The following IQSEC1 variants were observed in gnomAD, a reference collection of about 807,000 sequenced individuals.
IQSEC1 encodes the protein IQ motif and Sec7 domain ArfGEF 1, also known as IQ motif and SEC7 domain-containing protein 1.
Under a neutral mutation model 91.0 loss-of-function variants are expected in IQSEC1, and 31 were observed. The ratio of observed to expected loss-of-function variants is 0.34; its 90% CI spans 0.26 to 0.46. IQSEC1 has a LOEUF of 0.46. IQSEC1 is among the 20% of genes least tolerant of loss of function. The pLI is 1.00. For synonymous variants in IQSEC1, 699 were observed against 662.6 expected, an observed-to-expected ratio of 1.05 and a Z score of -0.84; for missense variants, 1,388 against 1,575.6, an observed-to-expected ratio of 0.88 and a Z score of 2.02.
chr3:13,264,402 C>A (rs1462047746), intron 1 of IQSEC1, among the ~76,000 whole-genome samples: 1 of 152,224 alleles, frequency 6.6e-6, no homozygotes, highest in African/African-American at 2.4e-5. Flanking sequence ...AAAACACGCC[C>A]CGCTGCCTGC....
intron 1 of IQSEC1, among the ~76,000 whole-genome samples, chr3:13,263,094 A>T (rs1428380379): frequency 6.6e-6 from 1 of 152,130 alleles, no homozygotes; most frequent in Non-Finnish European, 1.5e-5. Context: ...CTAAAAATAT[A>T]CAGAAATTAA....
intron 1 of IQSEC1, among the ~76,000 whole-genome samples, chr3:12,975,949 C>A (rs758707501): frequency 1.9e-4 from 29 of 152,238 alleles, no homozygotes; most frequent in Non-Finnish European, 3.1e-4. Context: ...CATCTGCCCC[C>A]CAACGGCTGC....
chr3:13,221,958 G>A (rs1223213349), intron 1 of IQSEC1, among the ~76,000 whole-genome samples: 1 of 152,244 alleles, frequency 6.6e-6, no homozygotes, highest in Non-Finnish European at 1.5e-5. Flanking sequence ...GCAGGAGGGA[G>A]GAGAAACACC....
chr3:13,209,839 GAGCACCGCAGCAGCCC>G (rs1195625314), intron 1 of IQSEC1, among the ~76,000 whole-genome samples: 2 of 152,168 alleles, frequency 1.3e-5, no homozygotes, highest in African/African-American at 4.8e-5. Context: ...CACTTTCCAA[GAGCACCGCAGCAGCCC>G]AACACCCAGC....
At chr3:13,182,825 T>G (rs1178738603) in intron 1 of IQSEC1, among the ~76,000 whole-genome samples, 1 of 152,218 alleles carries the variant, frequency 6.6e-6, no homozygotes, top group Non-Finnish European at 1.5e-5. Flanking sequence ...CATTAAATGA[T>G]TTTATGAGAA....
intron 1 of IQSEC1, among the ~76,000 whole-genome samples, chr3:12,965,710 G>C (rs1431296513): frequency 6.6e-6 from 1 of 152,252 alleles, no homozygotes; most frequent in Non-Finnish European, 1.5e-5. Context: ...AATGAGAAGG[G>C]ATGTGGGACT....
intron 1 of IQSEC1, among the ~76,000 whole-genome samples, chr3:13,015,348 C>T (rs1703073735): frequency 6.6e-6 from 1 of 152,168 alleles, no homozygotes; most frequent in South Asian, 2.1e-4. Flanking sequence ...TAAAGAACTT[C>T]CCCTTGCGGC....
intron 3 of IQSEC1, among the ~76,000 whole-genome samples, chr3:12,934,294 G>A (rs1697967972): frequency 6.6e-6 from 1 of 152,164 alleles, no homozygotes; most frequent in African/African-American, 2.4e-5. Context: ...CCCCTTACTG[G>A]CCCCAAGTGA....
Position 13,207,668 on chromosome 3 carries a change from C to T in IQSEC1, c.273-43535G>A, listed in dbSNP as rs1240031420. Among the ~76,000 whole-genome samples the T allele has an allele frequency of 6.6e-6, 1 of 152,204 alleles. No individual in the cohort carries two copies. The highest frequency in any genetic ancestry group is 2.1e-4 in the South Asian group (1 of 4,834). On this transcript the variant is annotated intron_variant, in intron 1 of 15. Coordinates refer to the IQSEC1 transcript ENST00000648114. This position sits in a 1 kb window ranked among gnomAD's most constrained non-coding sequence, Gnocchi z 4.8. The stretch of plus-strand genomic sequence containing the variant: ...TGTCCCCACCCCAGAGCCTCTGCAC[C>T]CAGGGCTCCTTCGCCCCTCAGATTC...
At chr3:13,251,069 C>A (rs1695186596) in intron 1 of IQSEC1, among the ~76,000 whole-genome samples, 1 of 152,204 alleles carries the variant, frequency 6.6e-6, no homozygotes, top group South Asian at 2.1e-4. Context: ...CCCGGCTCCC[C>A]CTCAGTCACA....
At position 13,247,653 on chromosome 3, in the gene IQSEC1, G is replaced by C. The variant is rs546780483; in HGVS notation, c.272+35058C>G. Among the ~76,000 whole-genome samples the C allele has an allele frequency of 1.6e-4, 25 of 152,268 alleles. No individual in the cohort carries two copies. In the South Asian group the frequency reaches 5.0e-3, roughly 30 times the overall value. On this transcript the variant is annotated intron_variant, in intron 1 of 15. Transcript: ENST00000648114. ...GGGCATCAGAATCACTTACAGTCTC[G>C]ATGCCATCACATCAGCCGCCTTCTC...
chr3:13,146,436 TAGG>T lies in IQSEC1; in HGVS notation c.302+17665_302+17667del, dbSNP rs143746896. ...AGCCAGGAATTTAGCACAGCCAGGC[TAGG>T]AGGGAACGGCAGCACACGACACGGT... On this transcript the variant is annotated intron_variant, in intron 2 of 15. Transcript: ENST00000648114. 9.2e-3 allele frequency among the ~76,000 whole-genome samples: 1,403 copies of T among 152,232 alleles called. 21 individuals are homozygous for T. The highest frequency in any genetic ancestry group is 0.033 in the African/African-American group (1,350 of 41,538).
intron 1 of IQSEC1, among the ~76,000 whole-genome samples, chr3:13,244,451 C>T (rs761824060): frequency 6.6e-6 from 1 of 152,346 alleles, no homozygotes; most frequent in Non-Finnish European, 1.5e-5. Flanking sequence ...ATATGTAATT[C>T]ACCTGCCATT....
intron 2 of IQSEC1, among the ~76,000 whole-genome samples, chr3:13,157,767 C>T (rs758606160): frequency 1.1e-4 from 16 of 152,212 alleles, no homozygotes; most frequent in Non-Finnish European, 2.4e-4. Context: ...GCAGCCGCGT[C>T]TCCACAGACT....
At chr3:13,099,344 T>C (rs1027493460) in intron 2 of IQSEC1, among the ~76,000 whole-genome samples, 1 of 152,206 alleles carries the variant, frequency 6.6e-6, no homozygotes, top group South Asian at 2.1e-4. Flanking sequence ...CAGGATTGCA[T>C]TTTATGAGAA....
chr3:13,163,130 C>G (rs770933933), intron 2 of IQSEC1, among the ~76,000 whole-genome samples: 1 of 152,116 alleles, frequency 6.6e-6, no homozygotes, highest in African/African-American at 2.4e-5. Context: ...AGCACATAGC[C>G]GACTGCCCCA....
intron 1 of IQSEC1, among the ~76,000 whole-genome samples, chr3:13,033,206 C>T (rs1703911871): frequency 1.3e-5 from 2 of 152,212 alleles, no homozygotes; most frequent in South Asian, 4.1e-4. Flanking sequence ...TCTGAGGGCA[C>T]AGAATACACG....
chr3:13,240,126 C>T (rs1321821118), intron 1 of IQSEC1, among the ~76,000 whole-genome samples: 1 of 151,966 alleles, frequency 6.6e-6, no homozygotes, highest in Non-Finnish European at 1.5e-5. Flanking sequence ...TGCCTATAAT[C>T]CTAGCACTTT....
At chr3:12,904,794 C>T (rs563800225) in intron 12 of IQSEC1, among the ~76,000 whole-genome samples, 1 of 152,352 alleles carries the variant, frequency 6.6e-6, no homozygotes, top group South Asian at 2.1e-4. Context: ...CCGGCAACTC[C>T]TTCTGGCTGG....
Sources: allele counts gnomAD v4.1 joint callset (sites outside exome capture counted in the v4.1 genomes callset), GRCh38; gene constraint gnomAD v4.1.1; non-coding constraint Gnocchi (gnomAD v3.1); transcripts MANE v1.5; gene names NCBI Gene and HGNC (gene_info 2026-07-23, HGNC 2026-07-21).